Variants in MAMLD1 observed in about 807,000 individuals in gnomAD.
The protein encoded by MAMLD1 is mastermind-like domain-containing protein 1.
In MAMLD1, 14 loss-of-function variants were observed where a neutral mutation model predicts 45.0. The ratio of observed to expected loss-of-function variants is 0.31; its 90% CI spans 0.21 to 0.49. MAMLD1 has a LOEUF of 0.49. Among genes scored for constraint, MAMLD1 ranks in the 20% least tolerant of loss-of-function variants. MAMLD1 has a pLI of 0.99. For synonymous variants in MAMLD1, 254 were observed against 247.8 expected, an observed-to-expected ratio of 1.02 and a Z score of -0.24; for missense variants, 543 against 603.6, an observed-to-expected ratio of 0.90 and a Z score of 1.05.
intron 1 of MAMLD1, among the ~76,000 whole-genome samples, chrX:150,387,832 C>T (rs931049708): frequency 2.7e-5 from 3 of 111,621 alleles, no homozygotes; most frequent in Non-Finnish European, 3.8e-5. Context: ...TTGTGGATAA[C>T]ATGGAGTGTT....
At chrX:150,455,016 A>C (rs1401286352) in intron 2 of MAMLD1, among the ~76,000 whole-genome samples, 2 of 110,750 alleles carry the variant, frequency 1.8e-5, no homozygotes, top group African/African-American at 6.6e-5. Context: ...TCTCATGTAC[A>C]CGTACATGGT....
chrX:150,486,806 A>T (rs781793372), intron 5 of MAMLD1, among the ~76,000 whole-genome samples: 1 of 111,732 alleles, frequency 8.9e-6, no homozygotes, highest in African/African-American at 3.3e-5. Context: ...AGAAAAAAAA[A>T]TTTCAATTGG....
At chrX:150,396,341 CTTT>C (rs1428007992) in intron 1 of MAMLD1, among the ~76,000 whole-genome samples, 5 of 109,170 alleles carry the variant, frequency 4.6e-5, no homozygotes, top group African/African-American at 1.7e-4. Context: ...TAAATTTCTT[CTTT>C]ATCACTGATT....
chrX:150,373,503 C>G (rs2032145144), intron 1 of MAMLD1, among the ~76,000 whole-genome samples: 1 of 111,557 alleles, frequency 9.0e-6, no homozygotes, highest in Non-Finnish European at 1.9e-5. Context: ...TACACACACA[C>G]AGACACACTC....
intron 3 of MAMLD1, among the ~76,000 whole-genome samples, chrX:150,465,572 G>A (rs1037336741): frequency 5.3e-5 from 6 of 112,252 alleles, no homozygotes; most frequent in Non-Finnish European, 1.1e-4. Context: ...AAAGGAATTC[G>A]TTTCTAAAAG....
intron 5 of MAMLD1, among the ~76,000 whole-genome samples, chrX:150,487,708 G>T (rs6627582): frequency 0.12 from 13,371 of 111,675 alleles, 733 homozygotes; most frequent in Non-Finnish European, 0.17. Context: ...TAAACCTCAT[G>T]TCCTCCAAGG....
chrX:150,387,973 A>G (rs944179436), intron 1 of MAMLD1, among the ~76,000 whole-genome samples: 41 of 111,721 alleles, frequency 3.7e-4, no homozygotes, highest in African/African-American at 1.3e-3. Context: ...TTCATAAAAG[A>G]TATTTATTTA....
Position 150,503,496 on chromosome X carries a change from C to T in MAMLD1, c.2263C>T (p.Leu755=). The T allele has an allele frequency of 8.7e-7, 1 of 1,151,237 alleles. No homozygotes were observed. Among genetic ancestry groups the T allele is most frequent in the Non-Finnish European group, 1.2e-6 (1 of 843,846 alleles). 94.9% of individuals were successfully genotyped at this position (1,151,237 alleles called of 1,213,427 possible). Residue 755 remains leucine, a synonymous_variant, in exon 6 of 8, where the codon CTG becomes TTG. Coordinates refer to ENST00000370401, the MANE Select transcript of MAMLD1 (RefSeq NM_005491.5). Reference sequence around the variant, plus strand: ...CTGGAGGCAGGTGCCCGCTCCACTACTGCCTAGCTGCGACGCCACAGGTAA... The same window carrying T: ...CTGGAGGCAGGTGCCCGCTCCACTATTGCCTAGCTGCGACGCCACAGGTAA... ...KAWRQVPAPL[L]PSCDATARGT...
intron 1 of MAMLD1, among the ~76,000 whole-genome samples, chrX:150,364,835 C>T (rs994538715): frequency 2.7e-5 from 3 of 113,204 alleles, no homozygotes; most frequent in African/African-American, 9.6e-5. Flanking sequence ...GGGTAGACCC[C>T]CGCGGGAATT....
intron 1 of MAMLD1, among the ~76,000 whole-genome samples, chrX:150,415,584 A>G (rs1406366351): frequency 8.9e-6 from 1 of 112,338 alleles, no homozygotes; most frequent in Non-Finnish European, 1.9e-5. Flanking sequence ...GAATAAACAA[A>G]TGGCTAATTG....
Position 150,462,760 on chromosome X carries a change from T to A in MAMLD1, c.97-12T>A. 8.4e-7 allele frequency: 1 copy of A among 1,196,947 alleles called. No individual in the cohort carries two copies. The highest frequency in any genetic ancestry group is 1.1e-6 in the Non-Finnish European group (1 of 881,827). The stretch of plus-strand genomic sequence containing the variant: ...GTGCAAGTGGCTCTCCTCAGCCTAC[T>A]CTCACCCCCAGGGAAAGAAGCCCTC... On this transcript the variant is annotated splice_polypyrimidine_tract_variant and intron_variant, in intron 2 of 7. Transcript: ENST00000370401.
At chrX:150,489,479 C>T (rs1209622902) in intron 5 of MAMLD1, among the ~76,000 whole-genome samples, 5 of 109,714 alleles carry the variant, frequency 4.6e-5, no homozygotes, top group Admixed American at 9.7e-5. Context: ...GTCTTGCCTC[C>T]TAATGACATC....
intron 1 of MAMLD1, among the ~76,000 whole-genome samples, chrX:150,418,653 G>C (rs1210707727): frequency 5.0e-5 from 4 of 80,788 alleles, no homozygotes; most frequent in African/African-American, 1.9e-4. Flanking sequence ...GTTCTCATTG[G>C]TTTCAAAGAA....
chrX:150,377,264 G>C (rs782257279), intron 1 of MAMLD1, among the ~76,000 whole-genome samples: 12 of 113,418 alleles, frequency 1.1e-4, no homozygotes, highest in Middle Eastern at 4.6e-3. Flanking sequence ...GTGACCTTGG[G>C]CAAGTCCCTT....
At chrX:150,364,100 C>T (rs1021522488) in intron 1 of MAMLD1, among the ~76,000 whole-genome samples, 2 of 112,981 alleles carry the variant, frequency 1.8e-5, no homozygotes, top group Non-Finnish European at 3.8e-5. Flanking sequence ...AAGCGCAGCC[C>T]GGAGCTGAGC....
At chrX:150,457,209 C>A (rs1225705228) in intron 2 of MAMLD1, among the ~76,000 whole-genome samples, 1 of 112,608 alleles carries the variant, frequency 8.9e-6, no homozygotes, top group African/African-American at 3.2e-5. Flanking sequence ...TTGCCTACAT[C>A]TGCCTCTGGT....
intron 1 of MAMLD1, among the ~76,000 whole-genome samples, chrX:150,440,003 G>T (rs1475773179): frequency 2.7e-5 from 3 of 111,313 alleles, no homozygotes; most frequent in African/African-American, 9.8e-5. Flanking sequence ...TGGTCTATAT[G>T]TCTATACTTA....
At chrX:150,400,722 G>A (rs1557402399) in intron 1 of MAMLD1, among the ~76,000 whole-genome samples, 1 of 110,700 alleles carries the variant, frequency 9.0e-6, no homozygotes, top group Non-Finnish European at 1.9e-5. Flanking sequence ...TAATCATGTG[G>A]TTTTTGTCTT....
At chrX:150,475,286 C>T (rs2036551967) in intron 5 of MAMLD1, among the ~76,000 whole-genome samples, 1 of 111,435 alleles carries the variant, frequency 9.0e-6, no homozygotes, top group Non-Finnish European at 1.9e-5. Context: ...CCAGTCTGGT[C>T]TCAAACTCCT....
Sources: allele counts gnomAD v4.1 joint callset (sites outside exome capture counted in the v4.1 genomes callset), GRCh38; gene constraint gnomAD v4.1.1; transcripts MANE v1.5; gene names NCBI Gene and HGNC (gene_info 2026-07-23, HGNC 2026-07-21).